The following GCC1 variants were observed in gnomAD, a reference collection of about 807,000 sequenced individuals.
The protein encoded by GCC1 is GRIP and coiled-coil domain-containing protein 1.
GCC1 carries 36 observed loss-of-function variants against 62.5 expected under a neutral mutation model. That is an observed-to-expected ratio of 0.58 (90% confidence interval 0.44 to 0.76). GCC1 has a LOEUF of 0.76. GCC1 is among the 30% of genes least tolerant of loss of function. The probability of loss-of-function intolerance (pLI) is 0.00; values close to 1 mark genes in which losing one functional copy is unlikely to be tolerated. For synonymous variants in GCC1, 391 were observed against 386.8 expected (o/e 1.01, Z -0.13); for missense variants, 885 against 948.3 (o/e 0.93, Z 0.88).
rs1257283746 is a variant in GCC1 at position 127,582,307 on chromosome 7, C to A, written c.2035G>T (p.Val679Phe). 1.9e-6 allele frequency: 3 copies of A among 1,614,136 alleles called. No individual in the cohort carries two copies. The highest frequency in any genetic ancestry group is 1.3e-5 in the African/African-American group (1 of 74,940). Residue 679 changes from valine (V) to phenylalanine (F), a missense_variant, in exon 2 of 2, where the codon GTC becomes TTC. Coordinates refer to ENST00000321407, the MANE Select transcript of GCC1 (RefSeq NM_024523.6). The surrounding 1 kb of genome is among the most constrained non-coding windows in gnomAD (Gnocchi z 4.8). Reference sequence around the variant, plus strand: ...CGATCCTGCAGCTGATGCACCTCGACCTCCAGCCTGTGCTTCTGCTTCCTC... The same window carrying A: ...CGATCCTGCAGCTGATGCACCTCGAACTCCAGCCTGTGCTTCTGCTTCCTC... ...SLRKQKHRLE[V>F]EVHQLQDRLL...
rs549907133 is a variant in GCC1 at position 127,582,613 on chromosome 7, G to A, written c.1729C>T (p.Arg577Cys). Residue 577 changes from arginine (R) to cysteine (C), a missense_variant, in exon 2 of 2, where the codon CGC becomes TGC. Physicochemically the swap from Arg to Cys is radical, Grantham distance 180. Coordinates refer to ENST00000321407, the MANE Select transcript of GCC1 (RefSeq NM_024523.6). The surrounding 1 kb of genome is among the most constrained non-coding windows in gnomAD (Gnocchi z 4.8). The stretch of plus-strand genomic sequence containing the variant: ...AGCTCCTCCTCCAGTTTCAGTGTGC[G>A]GTCCCTGAAGTCCAGCTGGCACCGC... Reference protein sequence around the residue: ...LERCQLDFRDRTLKLEEELHK... With the variant: ...LERCQLDFRDCTLKLEEELHK... 25 of 1,612,826 alleles carry A rather than the reference G, an allele frequency of 1.6e-5. No individual in the cohort carries two copies. The highest frequency in any genetic ancestry group is 6.6e-5 in the South Asian group (6 of 91,072).
At position 127,584,315 on chromosome 7, in the gene GCC1, G is replaced by C; in HGVS notation, c.868C>G (p.Leu290Val). 1 of 1,613,710 alleles carries C rather than the reference G, an allele frequency of 6.2e-7. No individual in the cohort carries two copies. The highest frequency in any genetic ancestry group is 8.5e-7 in the Non-Finnish European group (1 of 1,179,988). ...TCACGGGTCAGCTGCTTGGTCTGCAGTTCAAATCCTTCCATCTGTTCAGCT... is the reference window on the plus strand; with the variant it reads ...TCACGGGTCAGCTGCTTGGTCTGCACTTCAAATCCTTCCATCTGTTCAGCT... ...YAAEQMEGFE[L>V]QTKQLTREVE... Residue 290 changes from leucine (L) to valine (V), a missense_variant, in exon 1 of 2, where the codon CTG becomes GTG. Leu to Val is a conservative substitution (Grantham distance 32). Transcript: ENST00000321407.
chr7:127,584,117 A>G (rs1273249781), intron 1 of GCC1, 34 bp downstream of exon 1: 6 of 1,580,958 alleles, frequency 3.8e-6, no homozygotes, highest in Non-Finnish European at 5.2e-6. Context: ...CTTCAGGTCA[A>G]TGGCTGATGT....
chr7:127,584,068 C>G, intron 1 of GCC1, 83 bp downstream of exon 1: 1 of 1,253,732 alleles, frequency 8.0e-7, no homozygotes, highest in Non-Finnish European at 1.1e-6. Context: ...ACACTTAGCT[C>G]TAACTAGCAA....
In GCC1 at chr7:127,584,815, CG is replaced by C; in HGVS notation, c.367del (p.Arg123ValfsTer39). On this transcript the variant is annotated frameshift_variant, in exon 1 of 2. Transcript: ENST00000321407. ...TTCGGACTTTGGAGGTGGTGGTCCA[CG>C]GGCCGGTCTGTCATCTTCTACCCCA... The part of the protein sequence containing the change: ...EFGVEDDRPA[R>X]GPPPPKSEEA... 1 of 1,614,212 alleles carries C rather than the reference CG, an allele frequency of 6.2e-7. No individual in the cohort carries two copies.
Position 127,583,105 on chromosome 7 carries a change from A to G in GCC1, c.1237T>C (p.Ser413Pro). Residue 413 changes from serine (S) to proline (P), a missense_variant, in exon 2 of 2, where the codon TCC (serine) becomes CCC (proline). Coordinates refer to ENST00000321407, the MANE Select transcript of GCC1 (RefSeq NM_024523.6). Reference sequence around the variant, plus strand: ...TGGCTGTCTAAAGGGGACCTGCTGGAGGCTGCTAGAGCCAGTGTCTTGTTC... The same window carrying G: ...TGGCTGTCTAAAGGGGACCTGCTGGGGGCTGCTAGAGCCAGTGTCTTGTTC... The part of the protein sequence containing the change: ...LENKTLALAA[S>P]SRSPLDSHGE... The G allele has an allele frequency of 6.2e-7, 1 of 1,614,140 alleles. No homozygotes were observed. Among genetic ancestry groups the G allele is most frequent in the Non-Finnish European group, 8.5e-7 (1 of 1,180,038 alleles).
rs753196162 is a variant in GCC1, at chr7:127,583,203, T to C, written c.1139A>G (p.Tyr380Cys). 1 of 1,613,894 alleles carries C rather than the reference T, an allele frequency of 6.2e-7. No homozygotes were observed. The highest frequency in any genetic ancestry group is 8.5e-7 in the Non-Finnish European group (1 of 1,180,002). ...ISEVSELLGT[Y>C]EKAKQKDQLA... ...CTGGTCCTTCTGCTTGGCTTTCTCG[T>C]AGGTGCCTAGCAGCTCAGACACCTC... is the stretch of plus-strand genomic sequence containing the variant. The change falls in exon 2 of 2, where the codon TAC becomes TGC. Residue 380 changes from tyrosine (Y) to cysteine (C), a missense_variant. Tyr to Cys is a radical substitution (Grantham distance 194). Coordinates refer to ENST00000321407, the MANE Select transcript of GCC1 (RefSeq NM_024523.6).
chr7:127,584,228 G>A lies in GCC1; in HGVS notation c.955C>T (p.Arg319Trp), dbSNP rs762329535. Reference sequence around the variant, plus strand: ...GCCTCTTCCTGAAGTTCTTGCAGCCGGGGATCTGGCTGATTCTTCTCATCT... The same window carrying A: ...GCCTCTTCCTGAAGTTCTTGCAGCCAGGGATCTGGCTGATTCTTCTCATCT... ...IRDEKNQPDP[R>W]LQELQEEAAR... The change falls in exon 1 of 2, where the codon CGG becomes TGG. Residue 319 changes from arginine (R) to tryptophan (W), a missense_variant. Arg to Trp is a moderately radical substitution (Grantham distance 101). Transcript: ENST00000321407. 3.3e-5 allele frequency: 53 copies of A among 1,613,584 alleles called. No homozygotes were observed. Among genetic ancestry groups the A allele is most frequent in the Non-Finnish European group, 4.1e-5 (48 of 1,179,958 alleles).
chr7:127,584,961 A>T lies in GCC1; in HGVS notation c.222T>A (p.Leu74=). 1 of 1,614,182 alleles carries T rather than the reference A, an allele frequency of 6.2e-7. No individual in the cohort carries two copies. The highest frequency in any genetic ancestry group is 8.5e-7 in the Non-Finnish European group (1 of 1,180,040). Reference sequence around the variant, plus strand: ...CAGAGTCAGGAAAGGTGAGGCCTGGAAGCTGGACACCTGCGAGGCCCACAT... The same window carrying T: ...CAGAGTCAGGAAAGGTGAGGCCTGGTAGCTGGACACCTGCGAGGCCCACAT... ...EADVGLAGVQ[L]PGLTFPDSVD... The change falls in exon 1 of 2, where the codon CTT becomes CTA. Residue 74 remains leucine, a synonymous_variant. Transcript: ENST00000321407.
intron 1 of GCC1, 114 bp downstream of exon 1, chr7:127,584,037 G>T: frequency 2.3e-6 from 2 of 871,972 alleles, no homozygotes; most frequent in Non-Finnish European, 3.5e-6. Context: ...TTCTCAGGTG[G>T]CATCAAAAAT....
In GCC1 at chr7:127,583,000, T is replaced by C. The variant is rs749688639; in HGVS notation, c.1342A>G (p.Arg448Gly). 4 of 1,614,164 alleles carry C rather than the reference T, an allele frequency of 2.5e-6. No homozygotes were observed. The highest frequency in any genetic ancestry group is 2.5e-6 in the Non-Finnish European group (3 of 1,180,030). The part of the protein sequence containing the change: ...KLKRLLQVAA[R>G]KSQVTLDVEK... ...ACATCCAGGGTCACCTGGCTTTTCC[T>C]GGCCGCAACCTGCAGCAGCCTCTTC... is the stretch of plus-strand genomic sequence containing the variant. Residue 448 changes from arginine (R) to glycine (G), a missense_variant, in exon 2 of 2, where the codon AGG (arginine) becomes GGG (glycine). Coordinates refer to ENST00000321407, the MANE Select transcript of GCC1 (RefSeq NM_024523.6). The surrounding 1 kb of genome is among the most constrained non-coding windows in gnomAD (Gnocchi z 4.8).
Position 127,584,091 on chromosome 7 carries a change from A to C in GCC1, c.1032+60T>G, listed in dbSNP as rs560635209. 32 of 1,475,322 alleles carry C rather than the reference A, an allele frequency of 2.2e-5. No individual in the cohort carries two copies. The African/African-American group carries it at 3.9e-4, about 18-fold the overall frequency. 91.4% of individuals were successfully genotyped at this position (1,475,322 alleles called of 1,614,324 possible). On this transcript the variant is annotated intron_variant, in intron 1 of 1. Coordinates refer to ENST00000321407, the MANE Select transcript of GCC1 (RefSeq NM_024523.6). The stretch of plus-strand genomic sequence containing the variant: ...CTCTAACTAGCAAAGGAGGAAAAAA[A>C]CCCTAATATTTCTCACTTCAGGTCA...
In GCC1 at chr7:127,582,541, A is replaced by G; in HGVS notation, c.1801T>C (p.Leu601=). 1 of 1,611,254 alleles carries G rather than the reference A, an allele frequency of 6.2e-7. No individual in the cohort carries two copies. The highest frequency in any genetic ancestry group is 8.5e-7 in the Non-Finnish European group (1 of 1,179,968). The part of the protein sequence containing the change: ...RALAVLTEKD[L]ELEQLRSVAL... ...ACAGAACGCAGTTGCTCCAGTTCCA[A>G]GTCCTTCTCGGTGAGCACAGCTAGG... is the stretch of plus-strand genomic sequence containing the variant. Residue 601 remains leucine, a synonymous_variant, in exon 2 of 2, where the codon TTG becomes CTG. Transcript: ENST00000321407. This position sits in a 1 kb window ranked among gnomAD's most constrained non-coding sequence, Gnocchi z 4.8.
In GCC1 at chr7:127,583,205, G is replaced by A. The variant is rs754089775; in HGVS notation, c.1137C>T (p.Thr379=). The change falls in exon 2 of 2, where the codon ACC becomes ACT. Residue 379 remains threonine, a synonymous_variant. Transcript: ENST00000321407. ...QISEVSELLG[T]YEKAKQKDQL... ...GGTCCTTCTGCTTGGCTTTCTCGTA[G>A]GTGCCTAGCAGCTCAGACACCTCGG... The A allele has an allele frequency of 3.0e-4, 480 of 1,613,740 alleles. No homozygotes were observed. The highest frequency in any genetic ancestry group is 3.9e-4 in the Non-Finnish European group (461 of 1,180,012).
rs1463471602 is a variant in GCC1, at chr7:127,584,811, T to C, written c.372A>G (p.Gly124=). The C allele has an allele frequency of 1.2e-6, 2 of 1,614,156 alleles. No homozygotes were observed. Among genetic ancestry groups the C allele is most frequent in the South Asian group, 2.2e-5 (2 of 91,078 alleles). ...CCTCTTCGGACTTTGGAGGTGGTGG[T>C]CCACGGGCCGGTCTGTCATCTTCTA... is the stretch of plus-strand genomic sequence containing the variant. ...FGVEDDRPAR[G]PPPPKSEEAS... is the part of the protein sequence containing the mutation. The change falls in exon 1 of 2, where the codon GGA becomes GGG. Residue 124 remains glycine, a synonymous_variant. Transcript: ENST00000321407.
At chr7:127,584,082 A>G in intron 1 of GCC1, 69 bp downstream of exon 1, 2 of 1,389,408 alleles carry the variant, frequency 1.4e-6, no homozygotes, top group Non-Finnish European at 2.0e-6. Context: ...CTAGCAAAGG[A>G]GGAAAAAAAC....
intron 1 of GCC1, 53 bp from the exon 2 acceptor site, chr7:127,583,362 C>G: frequency 1.4e-6 from 2 of 1,427,992 alleles, no homozygotes; most frequent in Admixed American, 2.0e-5. Flanking sequence ...CCACAGCAAA[C>G]TCTGAGAAAG....
Position 127,582,762 on chromosome 7 carries a change from A to G in GCC1, c.1580T>C (p.Leu527Pro). ...LEAAQEQLAE[L>P]KEKYISLRLS... ...CCGCAGGGAAATATACTTCTCCTTCAGCTCTGCAAGCTGTTCCTGGGCTGC... is the reference window on the plus strand; with the variant it reads ...CCGCAGGGAAATATACTTCTCCTTCGGCTCTGCAAGCTGTTCCTGGGCTGC... The change falls in exon 2 of 2, where the codon CTG becomes CCG. Residue 527 changes from leucine (L) to proline (P), a missense_variant. Coordinates refer to ENST00000321407, the MANE Select transcript of GCC1 (RefSeq NM_024523.6). The surrounding 1 kb of genome is among the most constrained non-coding windows in gnomAD (Gnocchi z 4.8). 1 of 1,614,162 alleles carries G rather than the reference A, an allele frequency of 6.2e-7. No homozygotes were observed. The highest frequency in any genetic ancestry group is 8.5e-7 in the Non-Finnish European group (1 of 1,180,038).
Position 127,585,037 on chromosome 7 carries a change from T to C in GCC1, c.146A>G (p.Lys49Arg). The change falls in exon 1 of 2, where the codon AAA (lysine) becomes AGA (arginine). Residue 49 changes from lysine (K) to arginine (R), a missense_variant. Physicochemically the swap from Lys to Arg is conservative, Grantham distance 26. Coordinates refer to ENST00000321407, the MANE Select transcript of GCC1 (RefSeq NM_024523.6). ...CTTGATGCTGGCCTCTAATGCCTCTTTCTCCTTCAGCAGGCTTTTATAGGC... is the reference window on the plus strand; with the variant it reads ...CTTGATGCTGGCCTCTAATGCCTCTCTCTCCTTCAGCAGGCTTTTATAGGC... ...VRAYKSLLKE[K>R]EALEASIKVL... 1 of 1,614,214 alleles carries C rather than the reference T, an allele frequency of 6.2e-7. No individual in the cohort carries two copies. Among genetic ancestry groups the C allele is most frequent in the South Asian group, 1.1e-5 (1 of 91,080 alleles).
Sources: gnomAD v4.1 joint callset for allele counts on GRCh38, gnomAD v4.1.1 for gene constraint, Gnocchi (gnomAD v3.1) non-coding constraint, MANE v1.5 for transcripts, NCBI Gene and HGNC (gene_info 2026-07-23, HGNC 2026-07-21) for gene names.